VRK2: variants seen among roughly 807,000 people sequenced by gnomAD.
The protein encoded by VRK2 is VRK serine/threonine kinase 2.
In VRK2, 60 loss-of-function variants were observed where a neutral mutation model predicts 57.6. The observed-to-expected ratio is 1.04, with a 90% CI of 0.85 to 1.29. The LOEUF (loss-of-function observed/expected upper bound fraction) is 1.29, where lower values mean the gene tolerates loss of function less well. Among genes scored for constraint, VRK2 ranks in the 50% most tolerant of loss-of-function variants. The pLI, the probability that VRK2 is intolerant of heterozygous loss-of-function variation, is 0.00. For synonymous variants in VRK2, 231 were observed against 199.2 expected, an observed-to-expected ratio of 1.16 and a Z score of -1.35; for missense variants, 705 against 588.1, an observed-to-expected ratio of 1.20 and a Z score of -2.06.
chr2:58,142,138 G>A (rs1212013497), intron 11 of VRK2, among the ~76,000 whole-genome samples: 1 of 151,832 alleles, frequency 6.6e-6, no homozygotes, highest in Non-Finnish European at 1.5e-5. Flanking sequence ...CCATCATTCA[G>A]TATTCAAGGG....
At chr2:58,082,965 A>G (rs1671106276) in intron 2 of VRK2, among the ~76,000 whole-genome samples, 1 of 151,784 alleles carries the variant, frequency 6.6e-6, no homozygotes, top group Admixed American at 6.6e-5. Context: ...TAAGATGTGA[A>G]TTAATGGAAA....
In VRK2 at chr2:57,953,812, TA is replaced by T. The variant is rs562432276; in HGVS notation, c.-439+45980del. Among the ~76,000 whole-genome samples the T allele has an allele frequency of 4.0e-3, 615 of 152,252 alleles. 3 individuals carry two copies. The highest frequency in any genetic ancestry group is 7.0e-3 in the Non-Finnish European group (475 of 67,998). On this transcript the variant is annotated intron_variant, in intron 1 of 15. Transcript: ENST00000417641. Reference sequence around the variant, plus strand: ...TCTATATTCCATACTTTGTGCATTATAAAAAAATTAAAATGAACTGATATTA... The same window carrying T: ...TCTATATTCCATACTTTGTGCATTATAAAAAATTAAAATGAACTGATATTA...
intron 9 of VRK2, among the ~76,000 whole-genome samples, chr2:58,134,147 G>C (rs1369570111): frequency 6.6e-6 from 1 of 152,060 alleles, no homozygotes; most frequent in East Asian, 1.9e-4. Context: ...CCCAAGAAGA[G>C]AGTCATAGAA....
intron 1 of VRK2, among the ~76,000 whole-genome samples, chr2:57,975,756 C>G (rs1387208923): frequency 6.6e-6 from 1 of 151,292 alleles, no homozygotes; most frequent in Non-Finnish European, 1.5e-5. Context: ...TTTTCTCTCT[C>G]TCTTTTTTTT....
At chr2:58,048,374 C>CT (rs1294866070) in intron 1 of VRK2, among the ~76,000 whole-genome samples, 2 of 152,178 alleles carry the variant, frequency 1.3e-5, no homozygotes, top group African/African-American at 4.8e-5. Flanking sequence ...TTGCCATTGT[C>CT]TGTGTCTTCC....
At chr2:58,118,825 C>T (rs914756758) in intron 7 of VRK2, among the ~76,000 whole-genome samples, 21 of 151,826 alleles carry the variant, frequency 1.4e-4, no homozygotes, top group Non-Finnish European at 2.6e-4. Context: ...GGGGTGGGGC[C>T]GTTTTATAGG....
intron 2 of VRK2, among the ~76,000 whole-genome samples, chr2:58,064,358 G>A (rs552124811): frequency 7.9e-5 from 12 of 152,104 alleles, no homozygotes; most frequent in African/African-American, 2.6e-4. Flanking sequence ...CACAGTCACC[G>A]CAGTCTTCAG....
chr2:58,058,526 A>T, intron 2 of VRK2: 1 of 396,020 alleles, frequency 2.5e-6, no homozygotes, highest in Non-Finnish European at 5.1e-6. Flanking sequence ...CTTAGACATA[A>T]TGTTACCAAA....
intron 1 of VRK2, among the ~76,000 whole-genome samples, chr2:57,911,735 G>A (rs1483596799): frequency 1.3e-5 from 2 of 152,168 alleles, no homozygotes; most frequent in South Asian, 4.1e-4. Context: ...TGGGGATTCC[G>A]TGAACATTTA....
At chr2:57,998,728 A>G (rs1351989556) in intron 1 of VRK2, among the ~76,000 whole-genome samples, 3 of 152,192 alleles carry the variant, frequency 2.0e-5, no homozygotes, top group African/African-American at 7.2e-5. Context: ...AGAGACCTAA[A>G]ATAATTACAT....
intron 1 of VRK2, among the ~76,000 whole-genome samples, chr2:58,022,498 G>A (rs1673788855): frequency 6.6e-6 from 1 of 152,122 alleles, no homozygotes; most frequent in African/African-American, 2.4e-5. Context: ...GAGGGGAGTA[G>A]GAAAAGAGCA....
At chr2:58,132,232 A>C (rs1411716561) in intron 9 of VRK2, among the ~76,000 whole-genome samples, 1 of 152,232 alleles carries the variant, frequency 6.6e-6, no homozygotes, top group African/African-American at 2.4e-5. Flanking sequence ...GAATATTTTC[A>C]AATTAGCATT....
At chr2:58,119,771 TTTTATA>T (rs1201072846) in intron 7 of VRK2, among the ~76,000 whole-genome samples, 1 of 151,246 alleles carries the variant, frequency 6.6e-6, no homozygotes, top group Non-Finnish European at 1.5e-5. Context: ...ATTTATATTA[TTTTATA>T]TTTATATTTA....
upstream of VRK2, chr2:58,046,477 G>T (rs1674761921): frequency 6.1e-6 from 6 of 984,844 alleles, no homozygotes; most frequent in Non-Finnish European, 7.2e-6. Flanking sequence ...TTGTGGTACA[G>T]GAGATCTAAC....
chr2:57,953,399 G>A (rs1228447291), intron 1 of VRK2, among the ~76,000 whole-genome samples: 2 of 152,184 alleles, frequency 1.3e-5, no homozygotes, highest in African/African-American at 4.8e-5. Flanking sequence ...TCTAACTATT[G>A]ATAGGGCATT....
At chr2:57,997,732 G>T (rs1056590358) in intron 1 of VRK2, among the ~76,000 whole-genome samples, 1 of 151,810 alleles carries the variant, frequency 6.6e-6, no homozygotes, top group Non-Finnish European at 1.5e-5. Context: ...GTGAAACACC[G>T]TCTCTACAAA....
Position 57,962,000 on chromosome 2 carries a change from C to T in VRK2, c.-439+54161C>T, listed in dbSNP as rs1028735879. Among the ~76,000 whole-genome samples the T allele has an allele frequency of 5.9e-5, 9 of 152,232 alleles. No individual in the cohort carries two copies. The East Asian group carries it at 9.7e-4, about 16-fold the overall frequency. On this transcript the variant is annotated intron_variant, in intron 1 of 15. Coordinates refer to the VRK2 transcript ENST00000417641. The stretch of plus-strand genomic sequence containing the variant: ...GCTGAAGTGGGAGGATCGTTTGAGC[C>T]CAAGAGGTTCAGGCTATACTAAGCC...
chr2:58,053,930 C>A (rs7586334), intron 2 of VRK2, among the ~76,000 whole-genome samples: 1,719 of 152,180 alleles, frequency 0.011, 35 homozygotes, highest in African/African-American at 0.039. Context: ...ATAAATTAGT[C>A]TCCAGAAGGT....
chr2:58,081,643 T>C (rs542849382), intron 2 of VRK2, among the ~76,000 whole-genome samples: 1 of 152,066 alleles, frequency 6.6e-6, no homozygotes, highest in African/African-American at 2.4e-5. Flanking sequence ...TTTCCTACTT[T>C]TTTGGATAAC....
Sources: allele counts gnomAD v4.1 joint callset (sites outside exome capture counted in the v4.1 genomes callset), GRCh38; gene constraint gnomAD v4.1.1; transcripts MANE v1.5; gene names NCBI Gene and HGNC (gene_info 2026-07-23, HGNC 2026-07-21).